Variants in TTC29 observed in about 807,000 individuals in gnomAD.
The protein encoded by TTC29 is tetratricopeptide repeat domain 29.
Under a neutral mutation model 58.1 loss-of-function variants are expected in TTC29, and 49 were observed. That is an observed-to-expected ratio of 0.84 (90% CI 0.67 to 1.07). The LOEUF (loss-of-function observed/expected upper bound fraction) is 1.07, where lower values mean the gene tolerates loss of function less well. Among genes scored for constraint, TTC29 ranks in the 50% least tolerant of loss-of-function variants. TTC29 has a pLI of 0.00. For missense variants in TTC29, 582 were observed against 555.6 expected (o/e 1.05, Z -0.48); for synonymous variants, 209 against 196.8 (o/e 1.06, Z -0.52).
At chr4:146,782,258 C>G (rs1046075941) in intron 11 of TTC29, among the ~76,000 whole-genome samples, 1 of 151,620 alleles carries the variant, frequency 6.6e-6, no homozygotes, top group Non-Finnish European at 1.5e-5. Flanking sequence ...AGTCCCTTCT[C>G]TGATAACTTT....
chr4:146,788,523 T>C (rs1259674054), intron 11 of TTC29, among the ~76,000 whole-genome samples: 1 of 152,074 alleles, frequency 6.6e-6, no homozygotes, highest in Non-Finnish European at 1.5e-5. Flanking sequence ...CTGTCTAGGG[T>C]TTCCTGTGTT....
At chr4:146,877,224 T>G (rs988169365) in intron 6 of TTC29, among the ~76,000 whole-genome samples, 4 of 151,996 alleles carry the variant, frequency 2.6e-5, no homozygotes, top group Non-Finnish European at 5.9e-5. Context: ...GTCTGGGAGG[T>G]AGGATTATGG....
chr4:146,726,922 G>A (rs17021832), intron 11 of TTC29, among the ~76,000 whole-genome samples: 3,311 of 151,954 alleles, frequency 0.022, 127 homozygotes, highest in African/African-American at 0.074. Flanking sequence ...ATTCTTGCAC[G>A]TGGTACATTT....
intron 6 of TTC29, among the ~76,000 whole-genome samples, chr4:146,882,935 GCTCT>G (rs147962759): frequency 2.8e-4 from 42 of 150,226 alleles, no homozygotes; most frequent in South Asian, 8.4e-4. Context: ...ACTAGCTGCT[GCTCT>G]CTCTCTCTCT....
intron 8 of TTC29, among the ~76,000 whole-genome samples, chr4:146,849,495 C>T (rs1729379634): frequency 6.6e-6 from 1 of 152,146 alleles, no homozygotes; most frequent in African/African-American, 2.4e-5. Flanking sequence ...GGACATTCAT[C>T]GCAGCCCAGT....
At chr4:146,927,453 C>T (rs549365053) in intron 4 of TTC29, among the ~76,000 whole-genome samples, 1 of 152,182 alleles carries the variant, frequency 6.6e-6, no homozygotes, top group African/African-American at 2.4e-5. Flanking sequence ...CTTTTCTATC[C>T]TATTTGTCTA....
intron 7 of TTC29, among the ~76,000 whole-genome samples, chr4:146,874,249 G>A (rs895081503): frequency 2.6e-5 from 4 of 152,030 alleles, no homozygotes; most frequent in Non-Finnish European, 5.9e-5. Flanking sequence ...GCCACATTTT[G>A]AGAGGCAAAA....
chr4:146,720,316 C>T (rs1300517482), intron 11 of TTC29, among the ~76,000 whole-genome samples: 7 of 151,976 alleles, frequency 4.6e-5, no homozygotes, highest in Non-Finnish European at 8.8e-5. Flanking sequence ...AGAAACTATT[C>T]CTGAAAACAG....
At chr4:146,776,404 T>G (rs193136127) in intron 11 of TTC29, among the ~76,000 whole-genome samples, 137 of 152,264 alleles carry the variant, frequency 9.0e-4, no homozygotes, top group African/African-American at 3.1e-3. Flanking sequence ...TGTGGGCTGA[T>G]GTTCCTTCAA....
chr4:146,889,686 T>C (rs1297079688), intron 6 of TTC29, among the ~76,000 whole-genome samples: 1 of 152,196 alleles, frequency 6.6e-6, no homozygotes, highest in Non-Finnish European at 1.5e-5. Flanking sequence ...AATAAGAAAT[T>C]ACAATGAAAT....
At chr4:146,728,794 C>CATATATATACACACATATATAT (rs1450598794) in intron 11 of TTC29, among the ~76,000 whole-genome samples, 3 of 119,848 alleles carry the variant, frequency 2.5e-5, no homozygotes, top group Non-Finnish European at 5.2e-5. Flanking sequence ...TGTATATATA[C>CATATATATACACACATATATAT]GTATATATAC....
rs144628397 is a variant in TTC29 at position 146,789,767 on chromosome 4, A to G, written c.1330+13690T>C. Among the ~76,000 whole-genome samples the G allele has an allele frequency of 2.2e-3, 327 of 151,884 alleles. 1 individual carries two copies. The highest frequency in any genetic ancestry group is 6.7e-3 in the African/African-American group (277 of 41,332). On this transcript the variant is annotated intron_variant, in intron 11 of 12. Coordinates refer to ENST00000325106, the MANE Select transcript of TTC29 (RefSeq NM_031956.4). ...TATGTATTCTATGTCACAAGGTAAA[A>G]TATATTTTTTACTGTAGATTTTAAT...
At chr4:146,887,564 AC>A (rs1732071512) in intron 6 of TTC29, among the ~76,000 whole-genome samples, 1 of 152,200 alleles carries the variant, frequency 6.6e-6, no homozygotes, top group African/African-American at 2.4e-5. Flanking sequence ...TTGTTCAATT[AC>A]AGTGCTTCAG....
chr4:146,893,899 C>T (rs1473647989), intron 6 of TTC29, among the ~76,000 whole-genome samples: 2 of 152,188 alleles, frequency 1.3e-5, no homozygotes, highest in Admixed American at 6.5e-5. Context: ...CAAAAGAAGA[C>T]ATTTCTGCAG....
chr4:146,856,423 A>G (rs991667198), intron 8 of TTC29, among the ~76,000 whole-genome samples: 3 of 152,094 alleles, frequency 2.0e-5, no homozygotes, highest in Non-Finnish European at 2.9e-5. Context: ...ATTACTAGAA[A>G]ATTTGTATTT....
At chr4:146,884,471 C>CTTTA (rs1218178540) in intron 6 of TTC29, among the ~76,000 whole-genome samples, 1 of 152,074 alleles carries the variant, frequency 6.6e-6, no homozygotes, top group Non-Finnish European at 1.5e-5. Context: ...ATCATCAATG[C>CTTTA]TTTACACTTA....
intron 11 of TTC29, among the ~76,000 whole-genome samples, chr4:146,779,817 A>G (rs1319086718): frequency 6.6e-6 from 1 of 152,170 alleles, no homozygotes; most frequent in Non-Finnish European, 1.5e-5. Flanking sequence ...AAGCTAGTCA[A>G]AATAAGGTTG....
intron 6 of TTC29, among the ~76,000 whole-genome samples, chr4:146,894,931 G>T (rs1179299119): frequency 1.3e-5 from 2 of 152,086 alleles, no homozygotes; most frequent in Admixed American, 1.3e-4. Context: ...TTACTGTACA[G>T]ATCATCCCAT....
intron 6 of TTC29, among the ~76,000 whole-genome samples, chr4:146,894,670 T>TA (rs1362076088): frequency 1.4e-5 from 2 of 140,678 alleles, no homozygotes; most frequent in Non-Finnish European, 3.0e-5. Context: ...CCCTAAAACT[T>TA]AAAGTATAAT....
Sources: gnomAD v4.1 joint callset for allele counts (sites outside exome capture counted in the v4.1 genomes callset) on GRCh38, gnomAD v4.1.1 for gene constraint, MANE v1.5 for transcripts, NCBI Gene and HGNC (gene_info 2026-07-23, HGNC 2026-07-21) for gene names.